SETBP1: variants seen among roughly 807,000 people sequenced by gnomAD.
SETBP1 encodes the protein SET-binding protein.
In SETBP1, 9 loss-of-function variants were observed where a neutral mutation model predicts 101.0. The ratio of observed to expected loss-of-function variants is 0.09; its 90% CI spans 0.05 to 0.16. The LOEUF (loss-of-function observed/expected upper bound fraction) is 0.16. SETBP1 is among the 10% of genes least tolerant of loss of function. The pLI is 1.00. For synonymous variants in SETBP1, 818 were observed against 788.5 expected (o/e 1.04, Z -0.63); for missense variants, 1,858 against 2,033.8 (o/e 0.91, Z 1.66).
intron 3 of SETBP1, chr18:44,869,595 G>T: frequency 2.6e-6 from 1 of 378,108 alleles, no homozygotes; most frequent in Non-Finnish European, 5.1e-6. Context: ...AATGGCGGCA[G>T]AGGGTGGGTT....
At chr18:44,886,311 C>G (rs1040633874) in intron 3 of SETBP1, among the ~76,000 whole-genome samples, 1 of 152,046 alleles carries the variant, frequency 6.6e-6, no homozygotes, top group Admixed American at 6.6e-5. Flanking sequence ...ATGAGACCTC[C>G]AGAGGCTATG....
At position 44,740,557 on chromosome 18, in the gene SETBP1, G is replaced by A. The variant is rs115859809; in HGVS notation, c.486+38725G>A. Among the ~76,000 whole-genome samples the A allele has an allele frequency of 9.6e-3, 1,455 of 152,354 alleles. 20 individuals carry two copies. The highest frequency in any genetic ancestry group is 0.034 in the African/African-American group (1,395 of 41,576). ...ACTTTAAAAGAGAGAAATAGGGGTAGAAAGCCTTTCTAGGTTAAGGTGAAA... is the reference window on the plus strand; with the variant it reads ...ACTTTAAAAGAGAGAAATAGGGGTAAAAAGCCTTTCTAGGTTAAGGTGAAA... On this transcript the variant is annotated intron_variant, in intron 2 of 5. Transcript: ENST00000649279.
chr18:44,707,280 C>G (rs183212546), intron 2 of SETBP1, among the ~76,000 whole-genome samples: 58 of 152,332 alleles, frequency 3.8e-4, no homozygotes, highest in African/African-American at 1.3e-3. Flanking sequence ...GTGGCACAAG[C>G]ATAATCTGCC....
intron 3 of SETBP1, among the ~76,000 whole-genome samples, chr18:44,941,479 G>C (rs533644546): frequency 1.3e-5 from 2 of 152,166 alleles, no homozygotes; most frequent in East Asian, 3.9e-4. Context: ...AGTGTGCTTA[G>C]ATGTGGTTTT....
intron 2 of SETBP1, among the ~76,000 whole-genome samples, chr18:44,853,245 A>G (rs2072907837): frequency 6.6e-6 from 1 of 152,218 alleles, no homozygotes; most frequent in Non-Finnish European, 1.5e-5. Context: ...CGCATTGCCC[A>G]CAGCTCTCCC....
In SETBP1 at chr18:44,831,846, C is replaced by T. The variant is rs550176479; in HGVS notation, c.487-37384C>T. Among the ~76,000 whole-genome samples the T allele has an allele frequency of 1.2e-4, 18 of 152,280 alleles. No homozygotes were observed. In the South Asian group the frequency reaches 3.3e-3, roughly 28 times the overall value. ...TAACAGATTTTAAATCCGCCCATGA[C>T]CTGCCCTCCCATTCACTTGCTGTGC... On this transcript the variant is annotated intron_variant, in intron 2 of 5. Transcript: ENST00000649279.
intron 4 of SETBP1, chr18:44,970,089 C>T (rs1281918869): frequency 6.5e-6 from 1 of 154,832 alleles, no homozygotes; most frequent in Non-Finnish European, 1.5e-5. Context: ...CTTTGACCAT[C>T]ATAGCCCCAT....
Position 44,707,357 on chromosome 18 carries a change from C to A in SETBP1, c.486+5525C>A, listed in dbSNP as rs192521632. On this transcript the variant is annotated intron_variant, in intron 2 of 5. Coordinates refer to ENST00000649279, the MANE Select transcript of SETBP1 (RefSeq NM_015559.3). ...TGTTCAAAGCTCACTAGTTAAAGCC[C>A]TATTTTTTTATTCATTGTACTTACA... Among the ~76,000 whole-genome samples the A allele has an allele frequency of 1.8e-4, 28 of 152,312 alleles. No homozygotes were observed. In the East Asian group the frequency reaches 5.4e-3, roughly 29 times the overall value.
At chr18:44,731,408 A>T (rs1183405083) in intron 2 of SETBP1, among the ~76,000 whole-genome samples, 1 of 152,114 alleles carries the variant, frequency 6.6e-6, no homozygotes, top group South Asian at 2.1e-4. Flanking sequence ...GGTTTATGAG[A>T]CTGTCAGAAT....
At chr18:45,000,585 TTAAAA>T (rs139970361) in intron 4 of SETBP1, among the ~76,000 whole-genome samples, 69 of 152,206 alleles carry the variant, frequency 4.5e-4, no homozygotes, top group Non-Finnish European at 8.2e-4. Flanking sequence ...AAATATACTC[TTAAAA>T]TAAAAAATAT....
chr18:44,741,044 G>A (rs2070086394), intron 2 of SETBP1, among the ~76,000 whole-genome samples: 1 of 152,230 alleles, frequency 6.6e-6, no homozygotes, highest in South Asian at 2.1e-4. Context: ...AACTGGCCCA[G>A]AGGGCTAGAG....
At chr18:44,787,793 G>T (rs2071271163) in intron 2 of SETBP1, among the ~76,000 whole-genome samples, 1 of 128,710 alleles carries the variant, frequency 7.8e-6, no homozygotes, top group African/African-American at 2.9e-5. Context: ...AGCGGAGCTT[G>T]CAGTGAGCCG....
chr18:45,063,932 A>C lies in SETBP1; in HGVS notation c.*234A>C. On this transcript the variant is annotated 3_prime_UTR_variant, in exon 6 of 6. Transcript: ENST00000649279. ...TCTGAGCTTCACCGCAGCTCCCACC[A>C]CGCGGCGCTTCAGTACGGCTGGATC... 2 of 468,854 alleles carry C rather than the reference A, an allele frequency of 4.3e-6. No homozygotes were observed. The highest frequency in any genetic ancestry group is 4.1e-5 in the East Asian group (1 of 24,164). 29.0% of individuals were successfully genotyped at this position (468,854 alleles called of 1,614,324 possible).
chr18:44,960,696 A>G (rs2071593997), intron 4 of SETBP1, among the ~76,000 whole-genome samples: 1 of 152,104 alleles, frequency 6.6e-6, no homozygotes, highest in Non-Finnish European at 1.5e-5. Flanking sequence ...ATTATACTTT[A>G]TCTTTCTTCC....
chr18:44,767,246 T>C (rs1479732062), intron 2 of SETBP1, among the ~76,000 whole-genome samples: 1 of 152,214 alleles, frequency 6.6e-6, no homozygotes, highest in Non-Finnish European at 1.5e-5. Flanking sequence ...CTTCCCAAGG[T>C]TCTACAGTCC....
At chr18:44,872,077 T>G (rs1369021591) in intron 3 of SETBP1, 1 of 152,238 alleles carries the variant, frequency 6.6e-6, no homozygotes, top group Non-Finnish European at 1.5e-5. Flanking sequence ...GTACCCTCCT[T>G]TCTAAGTCTT....
At chr18:44,725,544 T>A (rs559936467) in intron 2 of SETBP1, among the ~76,000 whole-genome samples, 4 of 152,308 alleles carry the variant, frequency 2.6e-5, no homozygotes, top group African/African-American at 9.6e-5. Context: ...GTTCATTTTG[T>A]TTTCTAGGCT....
At chr18:44,796,751 C>A (rs2144754527) in intron 2 of SETBP1, among the ~76,000 whole-genome samples, 1 of 152,242 alleles carries the variant, frequency 6.6e-6, no homozygotes, top group East Asian at 1.9e-4. Context: ...AGCTCCTATT[C>A]CTTCAGCTTT....
intron 2 of SETBP1, among the ~76,000 whole-genome samples, chr18:44,800,458 A>G (rs1488806201): frequency 6.6e-6 from 1 of 152,174 alleles, no homozygotes; most frequent in East Asian, 1.9e-4. Flanking sequence ...CCTTCCGAGC[A>G]CGGATCCGAC....
Sources: allele counts gnomAD v4.1 joint callset (sites outside exome capture counted in the v4.1 genomes callset), GRCh38; gene constraint gnomAD v4.1.1; transcripts MANE v1.5; gene names NCBI Gene and HGNC (gene_info 2026-07-23, HGNC 2026-07-21).